Variants in SPRED2 observed in about 807,000 individuals in gnomAD.
SPRED2 encodes sprouty related EVH1 domain containing 2, also known as sprouty-related, EVH1 domain-containing protein 2.
Under a neutral mutation model 43.0 loss-of-function variants are expected in SPRED2, and 47 were observed. The ratio of observed to expected loss-of-function variants is 1.09; its 90% CI spans 0.87 to 1.40. The LOEUF is 1.40. SPRED2 is among the 40% of genes most tolerant of loss of function. The pLI, the probability that SPRED2 is intolerant of heterozygous loss-of-function variation, is 0.00. For synonymous variants in SPRED2, 225 were observed against 225.7 expected, an observed-to-expected ratio of 1.00 and a Z score of 0.03; for missense variants, 561 against 586.4, an observed-to-expected ratio of 0.96 and a Z score of 0.45.
rs1331431035 is a variant in SPRED2, at chr2:65,316,750, T to C, written c.572A>G (p.His191Arg). The change falls in exon 5 of 6, where the codon CAC becomes CGC. Residue 191 changes from histidine (H) to arginine (R), a missense_variant. By Grantham distance (29) the His-to-Arg change is conservative. Transcript: ENST00000356388. ...GCTGCTCACCTGATCGAGGTGATAG[T>C]GGTCTGTGGGGTATGAGTCGTGGAG... ...GHLHDSYPTD[H>R]YHLDQPMPRP... is the part of the protein sequence containing the mutation. The C allele has an allele frequency of 1.9e-6, 3 of 1,611,010 alleles. No homozygotes were observed. Among genetic ancestry groups the C allele is most frequent in the Non-Finnish European group, 2.5e-6 (3 of 1,179,032 alleles).
At chr2:65,353,980 GCCT>G (rs1674578575) in intron 1 of SPRED2, among the ~76,000 whole-genome samples, 1 of 152,126 alleles carries the variant, frequency 6.6e-6, no homozygotes, top group South Asian at 2.1e-4. Flanking sequence ...CACCAGTCTG[GCCT>G]CCTTTCTTTC....
At chr2:65,355,967 A>G (rs12612780) in intron 1 of SPRED2, among the ~76,000 whole-genome samples, 40,901 of 152,110 alleles carry the variant, frequency 0.27, 6,866 homozygotes, top group East Asian at 0.7. Flanking sequence ...TACTAAACAA[A>G]ATTAACTCTC....
At chr2:65,344,415 G>A (rs771319883) in intron 2 of SPRED2, 12 of 458,060 alleles carry the variant, frequency 2.6e-5, no homozygotes, top group Non-Finnish European at 4.2e-5. Flanking sequence ...TAATAAAAGA[G>A]TACACTTTTG....
intron 1 of SPRED2, among the ~76,000 whole-genome samples, chr2:65,409,783 C>T (rs1011919070): frequency 6.7e-6 from 1 of 148,582 alleles, no homozygotes; most frequent in Non-Finnish European, 1.5e-5. Flanking sequence ...CGCCTGTAAT[C>T]CTAGCACTTT....
rs574372519 is a variant in SPRED2, at chr2:65,366,874, C to A, written c.27-21978G>T. 4.8e-5 allele frequency: 42 copies of A among 875,828 alleles called. No homozygotes were observed. In the African/African-American group the frequency reaches 6.6e-4, roughly 14 times the overall value. The allele number at this position is 875,828 out of a possible 1,614,324, so 54.3% of individuals were successfully genotyped here. On this transcript the variant is annotated intron_variant, in intron 1 of 5. Transcript: ENST00000356388. ...TCAAAAGTGGAAACTGGAAGCCTGACAGCTGACAGATGCGTTTTCCAATTA... is the reference window on the plus strand; with the variant it reads ...TCAAAAGTGGAAACTGGAAGCCTGAAAGCTGACAGATGCGTTTTCCAATTA...
Position 65,316,698 on chromosome 2 carries a change from C to T in SPRED2, c.588+36G>A, listed in dbSNP as rs776354774. ...GGCCATTCCAGAATCAGAGGCACCA[C>T]CCTGATGCCCTCAGAGGAACAGGGC... is the stretch of plus-strand genomic sequence containing the variant. On this transcript the variant is annotated intron_variant, in intron 5 of 5. Transcript: ENST00000356388. 3 of 1,584,732 alleles carry T rather than the reference C, an allele frequency of 1.9e-6. No individual in the cohort carries two copies. The South Asian group carries it at 3.5e-5, about 18-fold the overall frequency.
chr2:65,371,494 T>C (rs1675123367), intron 1 of SPRED2, among the ~76,000 whole-genome samples: 1 of 152,170 alleles, frequency 6.6e-6, no homozygotes, highest in African/African-American at 2.4e-5. Context: ...TGTTAAATAC[T>C]GATGAGAATG....
intron 1 of SPRED2, among the ~76,000 whole-genome samples, chr2:65,396,879 C>A (rs1340447674): frequency 6.6e-6 from 1 of 152,188 alleles, no homozygotes; most frequent in Non-Finnish European, 1.5e-5. Context: ...AAAATTAGAT[C>A]TTTGTTTCCA....
At chr2:65,423,629 G>A (rs1046985082) in intron 1 of SPRED2, among the ~76,000 whole-genome samples, 1 of 152,152 alleles carries the variant, frequency 6.6e-6, no homozygotes, top group African/African-American at 2.4e-5. Flanking sequence ...TAAAGTTCAT[G>A]GATCTCCTCT....
chr2:65,376,125 C>T (rs1017369722), intron 1 of SPRED2, among the ~76,000 whole-genome samples: 2 of 152,216 alleles, frequency 1.3e-5, no homozygotes, highest in Non-Finnish European at 2.9e-5. Context: ...AAGACAGCAG[C>T]CCACTATGTT....
intron 1 of SPRED2, among the ~76,000 whole-genome samples, chr2:65,367,433 T>C (rs1367932065): frequency 6.6e-6 from 1 of 152,166 alleles, no homozygotes; most frequent in Non-Finnish European, 1.5e-5. Context: ...TTTTTTGAAG[T>C]ATCTTTGAAA....
chr2:65,417,558 G>A (rs575475164), intron 1 of SPRED2, among the ~76,000 whole-genome samples: 5 of 152,256 alleles, frequency 3.3e-5, no homozygotes, highest in African/African-American at 1.2e-4. Flanking sequence ...ACATCTACCT[G>A]GGCCACCTTT....
At chr2:65,347,061 C>T (rs186051285) in intron 1 of SPRED2, among the ~76,000 whole-genome samples, 59 of 152,314 alleles carry the variant, frequency 3.9e-4, no homozygotes, top group Admixed American at 3.0e-3. Context: ...TGCACCACCT[C>T]CATAACTCAA....
At chr2:65,366,234 C>T (rs1263450962) in intron 1 of SPRED2, among the ~76,000 whole-genome samples, 1 of 152,148 alleles carries the variant, frequency 6.6e-6, no homozygotes, top group South Asian at 2.1e-4. Context: ...ACACTACCCA[C>T]CCAAGAGGTA....
Position 65,316,770 on chromosome 2 carries a change from G to A in SPRED2, c.552C>T (p.His184=), listed in dbSNP as rs2276678. 1.4e-5 allele frequency: 23 copies of A among 1,612,474 alleles called. No homozygotes were observed. In the East Asian group the frequency reaches 1.8e-4, roughly 12 times the overall value. The change falls in exon 5 of 6, where the codon CAC becomes CAT. Residue 184 remains histidine (H), a synonymous_variant. Coordinates refer to ENST00000356388, the MANE Select transcript of SPRED2 (RefSeq NM_181784.3). Reference sequence around the variant, plus strand: ...GATAGTGGTCTGTGGGGTATGAGTCGTGGAGGTGGCCCAGGGTATAAATCC... The same window carrying A: ...GATAGTGGTCTGTGGGGTATGAGTCATGGAGGTGGCCCAGGGTATAAATCC... ...HRRIYTLGHL[H]DSYPTDHYHL... is the part of the protein sequence containing the mutation.
At chr2:65,387,165 G>A (rs1201537371) in intron 1 of SPRED2, among the ~76,000 whole-genome samples, 1 of 152,202 alleles carries the variant, frequency 6.6e-6, no homozygotes, top group Non-Finnish European at 1.5e-5. Context: ...CTGTGTGGGA[G>A]GTGCACAGTG....
intron 1 of SPRED2, among the ~76,000 whole-genome samples, chr2:65,361,938 C>T (rs1051877370): frequency 1.3e-5 from 2 of 152,218 alleles, no homozygotes; most frequent in African/African-American, 4.8e-5. Context: ...AACCCATCTC[C>T]TCCACTGGAT....
At chr2:65,353,196 CTA>C (rs1279958834) in intron 1 of SPRED2, among the ~76,000 whole-genome samples, 1 of 152,158 alleles carries the variant, frequency 6.6e-6, no homozygotes, top group Non-Finnish European at 1.5e-5. Context: ...GGCTCAGAAT[CTA>C]TGAGTAAAGC....
At chr2:65,400,394 G>T (rs1675857928) in intron 1 of SPRED2, among the ~76,000 whole-genome samples, 1 of 152,110 alleles carries the variant, frequency 6.6e-6, no homozygotes, top group Non-Finnish European at 1.5e-5. Flanking sequence ...AATAGGGCCA[G>T]AAAAAAACAA....
Sources: allele counts gnomAD v4.1 joint callset (sites outside exome capture counted in the v4.1 genomes callset), GRCh38; gene constraint gnomAD v4.1.1; transcripts MANE v1.5; gene names NCBI Gene and HGNC (gene_info 2026-07-23, HGNC 2026-07-21).